CORIN: variants seen among roughly 807,000 people sequenced by gnomAD.
The protein encoded by CORIN is corin, serine peptidase, also known as atrial natriuretic peptide-converting enzyme.
A neutral mutation model predicts 125.3 loss-of-function variants in CORIN; 117 were observed. That is an observed-to-expected ratio of 0.93 (90% CI 0.80 to 1.09). The LOEUF (loss-of-function observed/expected upper bound fraction) is 1.09. Among genes scored for constraint, CORIN ranks in the 50% least tolerant of loss-of-function variants. CORIN has a pLI of 0.00. For synonymous variants in CORIN, 450 were observed against 466.4 expected (o/e 0.96, Z 0.45); for missense variants, 1,253 against 1,306.7 (o/e 0.96, Z 0.63).
At chr4:47,748,481 A>C (rs1728761893) in intron 4 of CORIN, among the ~76,000 whole-genome samples, 1 of 152,192 alleles carries the variant, frequency 6.6e-6, no homozygotes, top group Admixed American at 6.5e-5. Flanking sequence ...AAGCTTTTAT[A>C]CCTCCTCTAT....
At chr4:47,733,746 G>A (rs1337513403) in intron 5 of CORIN, among the ~76,000 whole-genome samples, 3 of 152,110 alleles carry the variant, frequency 2.0e-5, no homozygotes, top group African/African-American at 2.4e-5. Flanking sequence ...AACCTCTGAC[G>A]AACAGTTCCC....
Position 47,645,075 on chromosome 4 carries a change from A to C in CORIN, c.1957+6T>G. 1.3e-6 allele frequency: 2 copies of C among 1,549,580 alleles called. No homozygotes were observed. Among genetic ancestry groups the C allele is most frequent in the South Asian group, 1.1e-5 (1 of 87,494 alleles). ...GCTCTGTTGACAAATTCGCATAAGC[A>C]CTTACAGCAGTTTTTCTCGTCCATG... On this transcript the variant is annotated splice_donor_region_variant and intron_variant, in intron 14 of 21. Coordinates refer to ENST00000273857, the MANE Select transcript of CORIN (RefSeq NM_006587.4).
intron 5 of CORIN, among the ~76,000 whole-genome samples, chr4:47,698,507 G>A (rs10032547): frequency 0.025 from 3,864 of 151,952 alleles, 163 homozygotes; most frequent in African/African-American, 0.088. Flanking sequence ...AAGCAGAAGG[G>A]AGGGTCCAAA....
At chr4:47,649,976 C>T (rs1023708742) in intron 13 of CORIN, among the ~76,000 whole-genome samples, 4 of 152,128 alleles carry the variant, frequency 2.6e-5, no homozygotes, top group Admixed American at 2.0e-4. Context: ...GTTAAGAAAG[C>T]CAGTTAAGCC....
Position 47,645,383 on chromosome 4 carries a change from G to A in CORIN, c.1844-189C>T, listed in dbSNP as rs368431633. On this transcript the variant is annotated intron_variant, in intron 13 of 21. Transcript: ENST00000273857. ...AAGGAATCACTTGAACCCGGGAGGC[G>A]GAGGTTGCAGTGAGCCAAGATCACA... 1.7e-3 allele frequency among the ~76,000 whole-genome samples: 251 copies of A among 148,326 alleles called. 7 individuals carry two copies. In the South Asian group the frequency reaches 0.049, roughly 29 times the overall value.
At chr4:47,759,946 G>A (rs936654677) in intron 4 of CORIN, among the ~76,000 whole-genome samples, 5 of 152,096 alleles carry the variant, frequency 3.3e-5, no homozygotes, top group African/African-American at 1.2e-4. Flanking sequence ...AGTCATCCAC[G>A]AGTGTTGGAA....
At chr4:47,662,031 T>C (rs1724272764) in intron 11 of CORIN, among the ~76,000 whole-genome samples, 175 bp from the exon 12 acceptor site, 1 of 152,216 alleles carries the variant, frequency 6.6e-6, no homozygotes, top group African/African-American at 2.4e-5. Flanking sequence ...GAGTAATATC[T>C]CTGCAAAGAG....
chr4:47,798,715 T>G (rs537289315), intron 2 of CORIN, among the ~76,000 whole-genome samples: 37 of 152,302 alleles, frequency 2.4e-4, no homozygotes, highest in African/African-American at 8.7e-4. Flanking sequence ...CAACTTTTAT[T>G]TTGGATTCAG....
chr4:47,622,601 T>C (rs1722367110), intron 19 of CORIN, among the ~76,000 whole-genome samples: 1 of 152,116 alleles, frequency 6.6e-6, no homozygotes, highest in South Asian at 2.1e-4. Flanking sequence ...TGATGGCCAG[T>C]GATGATGAGC....
At chr4:47,663,832 T>C (rs1420084374) in intron 11 of CORIN, among the ~76,000 whole-genome samples, 1 of 152,204 alleles carries the variant, frequency 6.6e-6, no homozygotes, top group Non-Finnish European at 1.5e-5. Context: ...CTTTTAAAAG[T>C]ACTTAGCAGA....
rs755691288 is a variant in CORIN, at chr4:47,683,861, G to C, written c.914-23C>G. 19 of 1,554,292 alleles carry C rather than the reference G, an allele frequency of 1.2e-5. No homozygotes were observed. The Admixed American group carries it at 3.2e-4, about 27-fold the overall frequency. On this transcript the variant is annotated intron_variant, in intron 6 of 21. Coordinates refer to ENST00000273857, the MANE Select transcript of CORIN (RefSeq NM_006587.4). ...AGTCTGCAAATAAAAGAAGCCACCA[G>C]TGTGTCATCAGAGCCATACAGAATG... is the stretch of plus-strand genomic sequence containing the variant.
At chr4:47,649,606 G>T (rs1358408729) in intron 13 of CORIN, among the ~76,000 whole-genome samples, 1 of 152,218 alleles carries the variant, frequency 6.6e-6, no homozygotes, top group African/African-American at 2.4e-5. Flanking sequence ...ACCCAGAGAA[G>T]TAAACTGACT....
chr4:47,833,801 A>T (rs1733206145), intron 1 of CORIN, among the ~76,000 whole-genome samples: 1 of 152,218 alleles, frequency 6.6e-6, no homozygotes, highest in Admixed American at 6.5e-5. Context: ...TAAGTATATG[A>T]AAGATGCTCA....
chr4:47,683,202 A>G (rs901136633), intron 7 of CORIN: 5 of 152,210 alleles, frequency 3.3e-5, no homozygotes, highest in African/African-American at 1.2e-4. Context: ...GACTCTTTAA[A>G]AAGTGGGGTT....
intron 17 of CORIN, 27 bp from the exon 18 acceptor site, chr4:47,623,975 A>G (rs1419493965): frequency 6.3e-7 from 1 of 1,591,760 alleles, no homozygotes; most frequent in Non-Finnish European, 8.6e-7. Context: ...AAAATGGTAT[A>G]ACATTAAGTT....
intron 19 of CORIN, among the ~76,000 whole-genome samples, chr4:47,613,310 G>A (rs191639533): frequency 9.2e-5 from 14 of 152,214 alleles, no homozygotes; most frequent in Admixed American, 5.9e-4. Flanking sequence ...AAAATTAGCC[G>A]AGTGTGGTGG....
intron 3 of CORIN, among the ~76,000 whole-genome samples, chr4:47,785,698 G>A (rs1471375041): frequency 6.6e-6 from 1 of 152,046 alleles, no homozygotes; most frequent in Non-Finnish European, 1.5e-5. Flanking sequence ...TGGATCATGA[G>A]GTTAGGAGTT....
chr4:47,666,836 A>T (rs1724506211), intron 10 of CORIN, among the ~76,000 whole-genome samples: 1 of 152,224 alleles, frequency 6.6e-6, no homozygotes, highest in East Asian at 1.9e-4. Flanking sequence ...AATGTTTGTC[A>T]TTTAAGCCAC....
chr4:47,712,385 T>G (rs752063642), intron 5 of CORIN, among the ~76,000 whole-genome samples: 1 of 152,190 alleles, frequency 6.6e-6, no homozygotes, highest in Non-Finnish European at 1.5e-5. Flanking sequence ...CAGGCTCAAG[T>G]GATCCTCCTG....
Sources: allele counts gnomAD v4.1 joint callset (sites outside exome capture counted in the v4.1 genomes callset), GRCh38; gene constraint gnomAD v4.1.1; transcripts MANE v1.5; gene names NCBI Gene and HGNC (gene_info 2026-07-23, HGNC 2026-07-21).